PLCXD3: variants seen among roughly 807,000 people sequenced by gnomAD.
PLCXD3 encodes PI-PLC X domain-containing protein 3.
Under a neutral mutation model 25.5 loss-of-function variants are expected in PLCXD3, and 19 were observed. That is an observed-to-expected ratio of 0.75 (90% CI 0.52 to 1.09). The LOEUF (loss-of-function observed/expected upper bound fraction) is 1.09, where lower values mean the gene tolerates loss of function less well. Among genes scored for constraint, PLCXD3 ranks in the 50% least tolerant of loss-of-function variants. PLCXD3 has a pLI of 0.00. For synonymous variants in PLCXD3, 174 were observed against 137.6 expected (o/e 1.26, Z -1.85); for missense variants, 411 against 388.1 (o/e 1.06, Z -0.50).
chr5:41,363,860 A>C (rs1225393589), intron 2 of PLCXD3, among the ~76,000 whole-genome samples: 1 of 152,136 alleles, frequency 6.6e-6, no homozygotes, highest in African/African-American at 2.4e-5. Context: ...GTCAGTAGAC[A>C]CTAAAAATGT....
At chr5:41,461,828 T>A (rs375109070) in intron 1 of PLCXD3, among the ~76,000 whole-genome samples, 21 of 152,060 alleles carry the variant, frequency 1.4e-4, no homozygotes, top group African/African-American at 4.6e-4. Flanking sequence ...CTCACTCCCA[T>A]CCCAGGGAAA....
intron 1 of PLCXD3, among the ~76,000 whole-genome samples, chr5:41,411,393 A>C (rs1022931984): frequency 6.6e-6 from 1 of 152,154 alleles, no homozygotes; most frequent in Non-Finnish European, 1.5e-5. Flanking sequence ...TTCTTTATCA[A>C]GGGAGTGTTT....
At chr5:41,500,730 A>C (rs918181857) in intron 1 of PLCXD3, among the ~76,000 whole-genome samples, 3 of 151,956 alleles carry the variant, frequency 2.0e-5, no homozygotes, top group African/African-American at 7.2e-5. Context: ...AAGTGGAACT[A>C]CATCTAACTA....
chr5:41,393,409 A>G (rs950220474), intron 1 of PLCXD3, among the ~76,000 whole-genome samples: 3 of 152,188 alleles, frequency 2.0e-5, no homozygotes, highest in Non-Finnish European at 4.4e-5. Flanking sequence ...AAAGTGGCAT[A>G]ACATATTTAA....
intron 2 of PLCXD3, among the ~76,000 whole-genome samples, chr5:41,340,658 T>A (rs1255277004): frequency 2.0e-5 from 3 of 151,988 alleles, no homozygotes; most frequent in African/African-American, 7.3e-5. Context: ...AAGGAAAGAG[T>A]CTTCTCCAAA....
chr5:41,454,152 A>G (rs1485955691), intron 1 of PLCXD3, among the ~76,000 whole-genome samples: 1 of 151,918 alleles, frequency 6.6e-6, no homozygotes, highest in African/African-American at 2.4e-5. Flanking sequence ...ACAACCTCAG[A>G]ATGTTATCCT....
chr5:41,434,827 G>T lies in PLCXD3; in HGVS notation c.104-52293C>A, dbSNP rs570693994. Among the ~76,000 whole-genome samples, 3 of 152,266 alleles carry T rather than the reference G, an allele frequency of 2.0e-5. No homozygotes were observed. The East Asian group carries it at 5.8e-4, about 29-fold the overall frequency. ...GGGTGGGAGGGATTGTTTTCACAGG[G>T]CTGCTATGCTTGTGCCTGGAGCTGG... On this transcript the variant is annotated intron_variant, in intron 1 of 2. Transcript: ENST00000377801.
intron 1 of PLCXD3, among the ~76,000 whole-genome samples, chr5:41,461,817 C>G (rs1747882485): frequency 6.6e-6 from 1 of 151,940 alleles, no homozygotes; most frequent in African/African-American, 2.4e-5. Flanking sequence ...ACCTCAGCCC[C>G]CTCACTCCCA....
chr5:41,390,808 C>T (rs1745790450), intron 1 of PLCXD3, among the ~76,000 whole-genome samples: 1 of 152,182 alleles, frequency 6.6e-6, no homozygotes, highest in Non-Finnish European at 1.5e-5. Flanking sequence ...CTGAGAGAGG[C>T]TCTGAAGAGA....
intron 1 of PLCXD3, among the ~76,000 whole-genome samples, chr5:41,387,315 T>A (rs1369406831): frequency 6.6e-6 from 1 of 152,112 alleles, no homozygotes; most frequent in African/African-American, 2.4e-5. Flanking sequence ...GATTCTAGCA[T>A]GATCCTGAGC....
At chr5:41,387,981 A>G (rs1745691194) in intron 1 of PLCXD3, among the ~76,000 whole-genome samples, 1 of 152,138 alleles carries the variant, frequency 6.6e-6, no homozygotes, top group Admixed American at 6.6e-5. Context: ...ATTTTTAAAG[A>G]ACTAGACTAA....
At position 41,421,180 on chromosome 5, in the gene PLCXD3, A is replaced by G. The variant is rs115403765; in HGVS notation, c.104-38646T>C. Among the ~76,000 whole-genome samples the G allele has an allele frequency of 4.1e-3, 620 of 152,298 alleles. 6 individuals carry two copies. The highest frequency in any genetic ancestry group is 0.014 in the African/African-American group (599 of 41,564). On this transcript the variant is annotated intron_variant, in intron 1 of 2. Coordinates refer to ENST00000377801, the MANE Select transcript of PLCXD3 (RefSeq NM_001005473.3). ...ATTAGGCATAATATCCAAACATCAAAACAGAGTGTATTAAATTCTCACTGA... is the reference window on the plus strand; with the variant it reads ...ATTAGGCATAATATCCAAACATCAAGACAGAGTGTATTAAATTCTCACTGA...
At chr5:41,433,003 G>C (rs1473814718) in intron 1 of PLCXD3, among the ~76,000 whole-genome samples, 1 of 152,154 alleles carries the variant, frequency 6.6e-6, no homozygotes, top group African/African-American at 2.4e-5. Flanking sequence ...TAATTTCAAG[G>C]TCCTGGAACA....
chr5:41,381,009 T>C (rs117908036), intron 2 of PLCXD3, among the ~76,000 whole-genome samples: 1 of 152,258 alleles, frequency 6.6e-6, no homozygotes, highest in East Asian at 1.9e-4. Flanking sequence ...GTATGTAGTA[T>C]AAAAGGCATA....
intron 1 of PLCXD3, among the ~76,000 whole-genome samples, chr5:41,419,862 T>C (rs1375692206): frequency 6.6e-6 from 1 of 152,198 alleles, no homozygotes; most frequent in Non-Finnish European, 1.5e-5. Flanking sequence ...CACTTAGCAC[T>C]GTGCTTAAGT....
chr5:41,400,928 A>G (rs1418836305), intron 1 of PLCXD3, among the ~76,000 whole-genome samples: 4 of 152,070 alleles, frequency 2.6e-5, no homozygotes, highest in Admixed American at 2.6e-4. Flanking sequence ...TTCACATTGC[A>G]TGTGTGTATC....
chr5:41,324,126 A>C (rs1407111614), intron 2 of PLCXD3, among the ~76,000 whole-genome samples: 1 of 152,216 alleles, frequency 6.6e-6, no homozygotes, highest in Non-Finnish European at 1.5e-5. Context: ...AGGGATGGGC[A>C]GGAAAATGGA....
rs1186438875 is a variant in PLCXD3, at chr5:41,332,320, G to A, written c.813-18550C>T. Among the ~76,000 whole-genome samples the A allele has an allele frequency of 3.3e-5, 5 of 152,082 alleles. No homozygotes were observed. In the South Asian group the frequency reaches 1.0e-3, roughly 32 times the overall value. ...ATACTTCTCAAAAGAAGACATTTATGCAGCCAAAAAACACATGAAAAAATG... is the reference window on the plus strand; with the variant it reads ...ATACTTCTCAAAAGAAGACATTTATACAGCCAAAAAACACATGAAAAAATG... On this transcript the variant is annotated intron_variant, in intron 2 of 2. Coordinates refer to ENST00000377801, the MANE Select transcript of PLCXD3 (RefSeq NM_001005473.3).
At chr5:41,420,409 T>G (rs1199585623) in intron 1 of PLCXD3, among the ~76,000 whole-genome samples, 2 of 152,236 alleles carry the variant, frequency 1.3e-5, no homozygotes, top group East Asian at 3.8e-4. Flanking sequence ...TGATCTCTAG[T>G]GGCATAAATT....
Sources: gnomAD v4.1 joint callset for allele counts (sites outside exome capture counted in the v4.1 genomes callset) on GRCh38, gnomAD v4.1.1 for gene constraint, MANE v1.5 for transcripts, NCBI Gene and HGNC (gene_info 2026-07-23, HGNC 2026-07-21) for gene names.